The following DOCK10 variants were observed in gnomAD, a reference collection of about 807,000 sequenced individuals.
DOCK10 encodes the protein dedicator of cytokinesis 10, also known as dedicator of cytokinesis protein 10.
In DOCK10, 145 loss-of-function variants were observed where a neutral mutation model predicts 280.1. The observed-to-expected ratio is 0.52, with a 90% CI of 0.45 to 0.59. The LOEUF is 0.59. Among genes scored for constraint, DOCK10 ranks in the 20% least tolerant of loss-of-function variants. The probability of loss-of-function intolerance (pLI) is 0.00; values close to 1 mark genes in which losing one functional copy is unlikely to be tolerated. For missense variants in DOCK10, 2,368 were observed against 2,651.7 expected (o/e 0.89, Z 2.35); for synonymous variants, 915 against 942.2 (o/e 0.97, Z 0.53).
At chr2:225,029,139 T>C (rs564518401) in intron 1 of DOCK10, among the ~76,000 whole-genome samples, 1 of 152,214 alleles carries the variant, frequency 6.6e-6, no homozygotes, top group Non-Finnish European at 1.5e-5. Context: ...TTAAACCTCC[T>C]TGTGACTCAG....
intron 1 of DOCK10, among the ~76,000 whole-genome samples, chr2:224,934,428 C>T (rs1373647521): frequency 6.6e-6 from 1 of 152,076 alleles, no homozygotes; most frequent in Non-Finnish European, 1.5e-5. Context: ...TCAAGATATC[C>T]AATGCATCAT....
At chr2:224,867,237 G>A (rs775821023) in intron 11 of DOCK10, among the ~76,000 whole-genome samples, 2 of 152,170 alleles carry the variant, frequency 1.3e-5, no homozygotes, top group Non-Finnish European at 2.9e-5. Flanking sequence ...TTGGTAAGTA[G>A]GTCCTCCAAC....
chr2:224,797,810 A>G, intron 42 of DOCK10, 22 bp downstream of exon 42: 1 of 1,607,522 alleles, frequency 6.2e-7, no homozygotes, highest in Non-Finnish European at 8.5e-7. Context: ...CCTAAACTTC[A>G]TTGAAACCTG....
chr2:224,995,351 T>G (rs1028137866), intron 1 of DOCK10, among the ~76,000 whole-genome samples: 1 of 152,240 alleles, frequency 6.6e-6, no homozygotes, highest in Non-Finnish European at 1.5e-5. Context: ...ACAGTCTCAC[T>G]GTAGACACCC....
chr2:224,948,510 A>G (rs924406836), intron 1 of DOCK10, among the ~76,000 whole-genome samples: 1 of 152,242 alleles, frequency 6.6e-6, no homozygotes, highest in Non-Finnish European at 1.5e-5. Context: ...CAGGTATGTT[A>G]TAGTACATGC....
rs758537778 is a variant in DOCK10, at chr2:224,795,105, G to A, written c.4939-11C>T. ...TGGGAAATTGCTGTTCTTTGGAAAA[G>A]AGAGAGCCTGGGTCATTATCTGTTT... On this transcript the variant is annotated splice_polypyrimidine_tract_variant and intron_variant, in intron 44 of 55. Transcript: ENST00000258390. 3 of 1,611,772 alleles carry A rather than the reference G, an allele frequency of 1.9e-6. No individual in the cohort carries two copies. Among genetic ancestry groups the A allele is most frequent in the African/African-American group, 1.3e-5 (1 of 74,976 alleles).
chr2:225,027,835 C>G lies in DOCK10; in HGVS notation c.123+14417G>C, dbSNP rs548658987. On this transcript the variant is annotated intron_variant, in intron 1 of 55. Transcript: ENST00000258390. The stretch of plus-strand genomic sequence containing the variant: ...TGGGAGAACAGACTAACACAATCCT[C>G]ATAAGAATTTTGTGTCTACTAATTT... Among the ~76,000 whole-genome samples the G allele has an allele frequency of 1.1e-4, 17 of 152,274 alleles. No homozygotes were observed. In the East Asian group the frequency reaches 3.1e-3, roughly 28 times the overall value.
intron 25 of DOCK10, 88 bp from the exon 26 acceptor site, chr2:224,834,351 A>G (rs1005683008): frequency 1.3e-6 from 1 of 796,764 alleles, no homozygotes. Context: ...TTATGTCTCT[A>G]AATTATCTGC....
At chr2:224,782,912 G>T (rs1192173686) in intron 50 of DOCK10, among the ~76,000 whole-genome samples, 4 of 152,224 alleles carry the variant, frequency 2.6e-5, no homozygotes, top group Admixed American at 2.6e-4. Context: ...TGACCATGGA[G>T]ATTATGCTAA....
intron 7 of DOCK10, among the ~76,000 whole-genome samples, chr2:224,882,897 T>C (rs1191605604): frequency 6.6e-6 from 1 of 152,212 alleles, no homozygotes; most frequent in Non-Finnish European, 1.5e-5. Flanking sequence ...CTGGAAGAAC[T>C]ATAAGCAAAT....
chr2:224,886,729 A>C (rs965847169), intron 4 of DOCK10, among the ~76,000 whole-genome samples, 198 bp from the exon 5 acceptor site: 5 of 152,090 alleles, frequency 3.3e-5, no homozygotes, highest in African/African-American at 1.2e-4. Flanking sequence ...CCAGTATATA[A>C]ATCTCTATTT....
chr2:225,004,643 C>G (rs1437772419), intron 1 of DOCK10, among the ~76,000 whole-genome samples: 1 of 152,224 alleles, frequency 6.6e-6, no homozygotes, highest in Admixed American at 6.5e-5. Context: ...TGACATCCTT[C>G]TGACTCAAGC....
At chr2:225,041,335 C>G (rs1173482967) in intron 1 of DOCK10, among the ~76,000 whole-genome samples, 1 of 152,190 alleles carries the variant, frequency 6.6e-6, no homozygotes, top group African/African-American at 2.4e-5. Context: ...GGCTGCTGAG[C>G]CCCGGTCTTG....
At chr2:224,852,659 T>C (rs1696823531) in intron 17 of DOCK10, among the ~76,000 whole-genome samples, 1 of 152,220 alleles carries the variant, frequency 6.6e-6, no homozygotes, top group African/African-American at 2.4e-5. Flanking sequence ...GGGGCAGGCA[T>C]GCTATTTTTA....
rs1417758453 is a variant in DOCK10, at chr2:224,805,081, C to T, written c.4095G>A (p.Val1365=). 3 of 1,610,592 alleles carry T rather than the reference C, an allele frequency of 1.9e-6. No individual in the cohort carries two copies. The highest frequency in any genetic ancestry group is 2.7e-5 in the African/African-American group (2 of 74,726). ...AYWQRAPSPE[V]SDFFSILDVC... Reference sequence around the variant, plus strand: ...ACTCCAAGATGCTGAAGAAGTCGGACACCTCTGGGCTGGGAGCTCTCTGCC... The same window carrying T: ...ACTCCAAGATGCTGAAGAAGTCGGATACCTCTGGGCTGGGAGCTCTCTGCC... The change falls in exon 37 of 56, where the codon GTG becomes GTA. Residue 1365 remains valine, a synonymous_variant. Transcript: ENST00000258390. The surrounding 1 kb of genome is among the most constrained non-coding windows in gnomAD (Gnocchi z 4.3).
intron 16 of DOCK10, among the ~76,000 whole-genome samples, chr2:224,854,392 GA>G (rs201883725): frequency 6.6e-6 from 1 of 151,910 alleles, no homozygotes; most frequent in Non-Finnish European, 1.5e-5. Context: ...ACCATATTCT[GA>G]AAAAAATATA....
At position 224,770,448 on chromosome 2, in the gene DOCK10, C is replaced by T. The variant is rs889592816; in HGVS notation, c.6305+97G>A. The T allele has an allele frequency of 1.3e-6, 2 of 1,556,628 alleles. No individual in the cohort carries two copies. The highest frequency in any genetic ancestry group is 2.7e-5 in the African/African-American group (2 of 73,828). On this transcript the variant is annotated intron_variant, in intron 54 of 55. Transcript: ENST00000258390. This position sits in a 1 kb window ranked among gnomAD's most constrained non-coding sequence, Gnocchi z 4.5. Reference sequence around the variant, plus strand: ...GAGTCAGGCTGCTGATGGACTCTGCCACCTCAGTGAGTTTTGGTGTGATGG... The same window carrying T: ...GAGTCAGGCTGCTGATGGACTCTGCTACCTCAGTGAGTTTTGGTGTGATGG...
rs1250057805 is a variant in DOCK10 at position 224,886,116 on chromosome 2, A to C, written c.559T>G (p.Trp187Gly). Reference protein sequence around the residue: ...AGGTGVFKSGWLYKGNFNSTV... With the variant: ...AGGTGVFKSGGLYKGNFNSTV... ...CTGTTAAAATTCCCCTTGTAGAGCCAGCCGGACTTGAAAACACCAGTTCCT... is the reference window on the plus strand; with the variant it reads ...CTGTTAAAATTCCCCTTGTAGAGCCCGCCGGACTTGAAAACACCAGTTCCT... Residue 187 changes from tryptophan to glycine, a missense_variant, in exon 6 of 56, where the codon TGG becomes GGG. Physicochemically the swap from Trp to Gly is radical, Grantham distance 184. This residue lies in a region of DOCK10 where 1,209 missense variants were observed against 1,250.9 expected (regional missense o/e 0.97). Coordinates refer to ENST00000258390, the MANE Select transcript of DOCK10 (RefSeq NM_014689.3). 6.2e-7 allele frequency: 1 copy of C among 1,613,812 alleles called. No homozygotes were observed. Among genetic ancestry groups the C allele is most frequent in the East Asian group, 2.2e-5 (1 of 44,888 alleles).
intron 2 of DOCK10, among the ~76,000 whole-genome samples, chr2:224,930,019 G>A (rs906347387): frequency 6.6e-6 from 1 of 151,932 alleles, no homozygotes; most frequent in African/African-American, 2.4e-5. Flanking sequence ...TGGCCAACAT[G>A]GCAAAACCCC....
Sources: allele counts gnomAD v4.1 joint callset (sites outside exome capture counted in the v4.1 genomes callset), GRCh38; gene constraint gnomAD v4.1.1; regional missense constraint gnomAD v4.1.1; non-coding constraint Gnocchi (gnomAD v3.1); transcripts MANE v1.5; gene names NCBI Gene and HGNC (gene_info 2026-07-23, HGNC 2026-07-21).